The following FRY variants were observed in gnomAD, a reference collection of about 807,000 sequenced individuals.
FRY encodes the protein protein furry homolog.
FRY carries 128 observed loss-of-function variants against 348.4 expected under a neutral mutation model. The ratio of observed to expected loss-of-function variants is 0.37; its 90% confidence interval spans 0.32 to 0.43. The LOEUF (loss-of-function observed/expected upper bound fraction) is 0.43, where lower values mean the gene tolerates loss of function less well. FRY is among the 20% of genes least tolerant of loss of function. FRY has a pLI of 1.00. For synonymous variants in FRY, 1,370 were observed against 1,374.7 expected, an observed-to-expected ratio of 1.00 and a Z score of 0.08; for missense variants, 2,736 against 3,695.2, an observed-to-expected ratio of 0.74 and a Z score of 6.73.
rs766216919 is a variant in FRY at position 32,186,436 on chromosome 13, C to T, written c.3480+16C>T. 1 of 1,525,254 alleles carries T rather than the reference C, an allele frequency of 6.6e-7. No homozygotes were observed. The highest frequency in any genetic ancestry group is 1.1e-5 in the South Asian group (1 of 89,360). 94.5% of individuals were successfully genotyped at this position (1,525,254 alleles called of 1,614,324 possible). A position where few individuals can be genotyped will look rare whatever the true frequency, so the allele number is the denominator to read the frequency against. ...TGCATTAAAAGTAGGTGATATTGTACTCACGAATGACTGAGTCAGATGGAT... is the reference window on the plus strand; with the variant it reads ...TGCATTAAAAGTAGGTGATATTGTATTCACGAATGACTGAGTCAGATGGAT... On this transcript the variant is annotated intron_variant, in intron 27 of 60. Transcript: ENST00000542859.
Position 32,147,269 on chromosome 13 carries a change from G to A in FRY, c.1180-13G>A, listed in dbSNP as rs757150757. 1.5e-5 allele frequency: 23 copies of A among 1,508,334 alleles called. No individual in the cohort carries two copies. The highest frequency in any genetic ancestry group is 2.0e-5 in the Non-Finnish European group (22 of 1,083,796). 93.4% of individuals were successfully genotyped at this position (1,508,334 alleles called of 1,614,324 possible). ...TTTACATCTGCAGTCTTACATCTTG[G>A]TTTCTGTTATAGAACAAAGATCCCA... On this transcript the variant is annotated splice_polypyrimidine_tract_variant and intron_variant, in intron 11 of 60. Transcript: ENST00000542859.
chr13:32,162,679 T>G (rs941390370), intron 17 of FRY, among the ~76,000 whole-genome samples: 2 of 152,142 alleles, frequency 1.3e-5, no homozygotes, highest in African/African-American at 4.8e-5. Flanking sequence ...AACCATGATT[T>G]CAAGCCGTTG....
intron 48 of FRY, among the ~76,000 whole-genome samples, chr13:32,248,456 G>A (rs562662833): frequency 6.6e-6 from 1 of 151,918 alleles, no homozygotes; most frequent in South Asian, 2.1e-4. Context: ...GGGTGCAGCA[G>A]ACCACCATGG....
intron 29 of FRY, among the ~76,000 whole-genome samples, chr13:32,197,983 A>G (rs1883778410): frequency 6.6e-6 from 1 of 152,174 alleles, no homozygotes; most frequent in Non-Finnish European, 1.5e-5. Context: ...TTAAATATTG[A>G]AAGGTATAAG....
intron 3 of FRY, among the ~76,000 whole-genome samples, chr13:32,104,969 A>G (rs1877441349): frequency 6.6e-6 from 1 of 152,176 alleles, no homozygotes; most frequent in African/African-American, 2.4e-5. Flanking sequence ...TTCCTTTATA[A>G]ATTACCCAGT....
chr13:32,274,703 CAAAAAAAA>C (rs397723164), intron 55 of FRY, 131 bp from the exon 56 acceptor site: 40 of 306,658 alleles, frequency 1.3e-4, no homozygotes, highest in East Asian at 2.6e-4. Context: ...GATTCTGTCT[CAAAAAAAA>C]AAAAAAAAAA....
At chr13:32,042,891 T>C (rs1260446950) in intron 1 of FRY, among the ~76,000 whole-genome samples, 2 of 152,190 alleles carry the variant, frequency 1.3e-5, no homozygotes. Flanking sequence ...GACTTATACC[T>C]GCCACCTGAA....
At chr13:32,075,471 C>A (rs17691016) in intron 1 of FRY, among the ~76,000 whole-genome samples, 3,999 of 152,278 alleles carry the variant, frequency 0.026, 61 homozygotes, top group Middle Eastern at 0.068. Context: ...TGTTTCCAGA[C>A]TACTGTGAAT....
intron 36 of FRY, 98 bp downstream of exon 36, chr13:32,218,929 G>A: frequency 1.4e-6 from 1 of 736,644 alleles, no homozygotes; most frequent in Non-Finnish European, 2.5e-6. Flanking sequence ...TACTAAAAGG[G>A]CCTATAGATA....
intron 57 of FRY, among the ~76,000 whole-genome samples, chr13:32,276,830 G>C (rs1888559940): frequency 6.6e-6 from 1 of 152,124 alleles, no homozygotes; most frequent in African/African-American, 2.4e-5. Flanking sequence ...TACTTGATAT[G>C]TTACTTACCA....
At chr13:32,098,003 AT>A (rs1407937411) in intron 2 of FRY, among the ~76,000 whole-genome samples, 1 of 152,082 alleles carries the variant, frequency 6.6e-6, no homozygotes, top group Non-Finnish European at 1.5e-5. Context: ...GGATTTTCAT[AT>A]TTGAAAAAAC....
chr13:32,123,783 A>T (rs529742206), intron 4 of FRY, among the ~76,000 whole-genome samples: 6 of 152,150 alleles, frequency 3.9e-5, no homozygotes, highest in Non-Finnish European at 7.4e-5. Flanking sequence ...TTCAAATCCA[A>T]TGTTTGTCCA....
intron 11 of FRY, 30 bp from the exon 12 acceptor site, chr13:32,147,252 T>C (rs55710670): frequency 7.7e-7 from 1 of 1,299,480 alleles, no homozygotes; most frequent in Non-Finnish European, 1.1e-6. Context: ...TATTTACATC[T>C]GCAGTCTTAC....
rs2072107075 is a variant in FRY, at chr13:32,298,955, T to G, written c.*3495T>G. Reference sequence around the variant, plus strand: ...GGTAGTGACATGCTGTGACTTATGTTTAAAAGGATTACTCCTTCATAGCGA... The same window carrying G: ...GGTAGTGACATGCTGTGACTTATGTGTAAAAGGATTACTCCTTCATAGCGA... On this transcript the variant is annotated 3_prime_UTR_variant, in exon 61 of 61. Transcript: ENST00000542859. 1 of 152,196 alleles carries G rather than the reference T, an allele frequency of 6.6e-6. No individual in the cohort carries two copies. Among genetic ancestry groups the G allele is most frequent in the South Asian group, 2.1e-4 (1 of 4,830 alleles). The allele number at this position is 152,196 out of a possible 1,614,324, so 9.4% of individuals were successfully genotyped here.
intron 17 of FRY, among the ~76,000 whole-genome samples, chr13:32,164,876 A>G (rs975458163): frequency 1.3e-5 from 2 of 152,202 alleles, no homozygotes; most frequent in African/African-American, 4.8e-5. Context: ...AGCTTTCACT[A>G]GGAGTCCACA....
At chr13:32,047,690 C>T (rs951089411) in intron 1 of FRY, among the ~76,000 whole-genome samples, 7 of 151,912 alleles carry the variant, frequency 4.6e-5, no homozygotes, top group African/African-American at 1.7e-4. Context: ...CCTGCCTCAG[C>T]CTCCCAAGTA....
At chr13:32,188,342 G>A (rs1034582954) in intron 28 of FRY, among the ~76,000 whole-genome samples, 1 of 152,050 alleles carries the variant, frequency 6.6e-6, no homozygotes, top group Non-Finnish European at 1.5e-5. Flanking sequence ...GAAAATTCGT[G>A]ACTTTTAGAG....
chr13:32,072,742 A>C (rs1161678375), intron 1 of FRY, among the ~76,000 whole-genome samples: 1 of 152,194 alleles, frequency 6.6e-6, no homozygotes, highest in Non-Finnish European at 1.5e-5. Context: ...TTAGGAGAAA[A>C]GGCATTTGAG....
In FRY at chr13:32,211,078, G is replaced by A. The variant is rs1395883052; in HGVS notation, c.4591+44G>A. On this transcript the variant is annotated intron_variant, in intron 34 of 60. Coordinates refer to ENST00000542859, the MANE Select transcript of FRY (RefSeq NM_023037.3). The stretch of plus-strand genomic sequence containing the variant: ...CAGACACCTGGTCACAGATCCCTGG[G>A]GTTTCCTTCATGTAGATTCCTGAAA... 7 of 1,571,464 alleles carry A rather than the reference G, an allele frequency of 4.5e-6. No individual in the cohort carries two copies. In the African/African-American group the frequency reaches 6.8e-5, roughly 15 times the overall value.
Sources: gnomAD v4.1 joint callset for allele counts (sites outside exome capture counted in the v4.1 genomes callset) on GRCh38, gnomAD v4.1.1 for gene constraint, MANE v1.5 for transcripts, NCBI Gene and HGNC (gene_info 2026-07-23, HGNC 2026-07-21) for gene names.